The following RARRES2 variants were observed in gnomAD, a reference collection of about 807,000 sequenced individuals.
RARRES2 encodes retinoic acid receptor responder protein 2.
RARRES2 carries 12 observed loss-of-function variants against 17.9 expected under a neutral mutation model. That is an observed-to-expected ratio of 0.67 (90% CI 0.43 to 1.08). The LOEUF (loss-of-function observed/expected upper bound fraction) is 1.08. Among genes scored for constraint, RARRES2 ranks in the 50% least tolerant of loss-of-function variants. RARRES2 has a pLI of 0.00. For missense variants in RARRES2, 220 were observed against 210.1 expected (o/e 1.05, Z -0.29); for synonymous variants, 82 against 86.8 (o/e 0.94, Z 0.31).
chr7:150,340,651 C>T, intron 1 of RARRES2, 22 bp from the exon 2 acceptor site: 1 of 1,455,680 alleles, frequency 6.9e-7, no homozygotes, highest in South Asian at 1.4e-5. Context: ...GTGTGCGCCC[C>T]TCAGCTCTCC....
chr7:150,340,565 C>A lies in RARRES2; in HGVS notation c.45G>T (p.Val15=). ...LIPLALWLGA[V]GVGVAELTEA... ...CCGTGAGCTCGGCGACGCCCACGCC[C>A]ACCGCACCCAGCCACAGGGCCAGAG... Residue 15 remains valine, a synonymous_variant, in exon 2 of 6, where the codon GTG becomes GTT. Transcript: ENST00000223271. 1 of 1,567,128 alleles carries A rather than the reference C, an allele frequency of 6.4e-7. No individual in the cohort carries two copies.
Position 150,338,724 on chromosome 7 carries a change from C to A in RARRES2, c.393G>T (p.Gln131His). ...TQVLREAEEH[Q>H]ETQCLRVQRA... Reference sequence around the variant, plus strand: ...GCTGCACCCTGAGGCACTGGGTCTCCTGGTGCTCCTCAGCCTCCTGCCAGT... The same window carrying A: ...GCTGCACCCTGAGGCACTGGGTCTCATGGTGCTCCTCAGCCTCCTGCCAGT... The change falls in exon 5 of 6, where the codon CAG becomes CAT. Residue 131 changes from glutamine (Q) to histidine (H), a missense_variant. Gln to His is a conservative substitution (Grantham distance 24). Transcript: ENST00000223271. The A allele has an allele frequency of 6.4e-7, 1 of 1,556,070 alleles. No homozygotes were observed. The highest frequency in any genetic ancestry group is 8.7e-7 in the Non-Finnish European group (1 of 1,149,322).
intron 3 of RARRES2, among the ~76,000 whole-genome samples, chr7:150,339,346 A>G (rs1464443881): frequency 6.6e-6 from 1 of 152,158 alleles, no homozygotes; most frequent in African/African-American, 2.4e-5. Context: ...TGTGTGGCAC[A>G]TGCATAAACA....
intron 3 of RARRES2, among the ~76,000 whole-genome samples, chr7:150,339,397 GTGTGTGATGTATGCATGGA>G (rs1224174772): frequency 6.6e-6 from 1 of 152,328 alleles, no homozygotes; most frequent in South Asian, 2.1e-4. Context: ...GGGTGGATGG[GTGTGTGATGTATGCATGGA>G]TGTGTCTGCT....
chr7:150,339,877 T>A (rs1308388322), intron 3 of RARRES2, among the ~76,000 whole-genome samples: 2 of 152,144 alleles, frequency 1.3e-5, no homozygotes, highest in Non-Finnish European at 2.9e-5. Context: ...TCTTCCTGTC[T>A]GCCAGGCCCC....
At position 150,339,082 on chromosome 7, in the gene RARRES2, C is replaced by T. The variant is rs1798412157; in HGVS notation, c.280-1G>A. 1.2e-6 allele frequency: 2 copies of T among 1,602,642 alleles called. No individual in the cohort carries two copies. The highest frequency in any genetic ancestry group is 1.7e-6 in the Non-Finnish European group (2 of 1,169,670). On this transcript the variant is annotated splice_acceptor_variant, in intron 3 of 5. Transcript: ENST00000223271. LOFTEE classifies it high-confidence loss of function. ...TGCAGGCCAGGCATTTCCGTTTCCT[C>T]TGTGGGGGAGCGGGGAGCATGGGGT... is the stretch of plus-strand genomic sequence containing the variant.
intron 1 of RARRES2, 27 bp from the exon 2 acceptor site, chr7:150,340,656 C>A: frequency 6.9e-7 from 1 of 1,445,298 alleles, no homozygotes; most frequent in Non-Finnish European, 9.1e-7. Context: ...CGCCCCTCAG[C>A]TCTCCGAGCC....
Position 150,340,719 on chromosome 7 carries a change from G to A in RARRES2, c.-20-90C>T, listed in dbSNP as rs558007809. On this transcript the variant is annotated intron_variant, in intron 1 of 5. Transcript: ENST00000223271. Reference sequence around the variant, plus strand: ...GCTCTGGGGGGAGGGTGGGGAGCGGGGGCGGGGTCCAGGCCTGTAGAACGC... The same window carrying A: ...GCTCTGGGGGGAGGGTGGGGAGCGGAGGCGGGGTCCAGGCCTGTAGAACGC... The A allele has an allele frequency of 4.2e-4, 488 of 1,170,196 alleles. 8 individuals carry two copies. The East Asian group carries it at 0.011, about 25-fold the overall frequency. 72.5% of individuals were successfully genotyped at this position (1,170,196 alleles called of 1,614,324 possible). A position where few individuals can be genotyped will look rare whatever the true frequency, so the allele number is the denominator to read the frequency against.
At position 150,340,441 on chromosome 7, in the gene RARRES2, C is replaced by G. The variant is rs770858662; in HGVS notation, c.169G>C (p.Asp57His). 1 of 1,600,634 alleles carries G rather than the reference C, an allele frequency of 6.2e-7. No individual in the cohort carries two copies. The highest frequency in any genetic ancestry group is 8.5e-7 in the Non-Finnish European group (1 of 1,171,786). Reference sequence around the variant, plus strand: ...GCCCGGGCCATGCTACTCACCGTGTCCACGGCGCTCTCCACACTGGTCTCC... The same window carrying G: ...GCCCGGGCCATGCTACTCACCGTGTGCACGGCGCTCTCCACACTGGTCTCC... ...FQETSVESAV[D>H]TPFPAGIFVR... Residue 57 changes from aspartate (D) to histidine (H), a missense_variant, in exon 2 of 6, where the codon GAC (aspartate) becomes CAC (histidine). Coordinates refer to ENST00000223271, the MANE Select transcript of RARRES2 (RefSeq NM_002889.4).
At chr7:150,339,509 CTATT>C (rs773901244) in intron 3 of RARRES2, among the ~76,000 whole-genome samples, 2 of 142,376 alleles carry the variant, frequency 1.4e-5, no homozygotes, top group Non-Finnish European at 3.0e-5. Context: ...GTCACCTATT[CTATT>C]TATTTTCTTG....
intron 2 of RARRES2, 113 bp from the exon 3 acceptor site, chr7:150,340,317 T>C: frequency 6.5e-7 from 1 of 1,537,814 alleles, no homozygotes; most frequent in Non-Finnish European, 8.9e-7. Flanking sequence ...GGCTGGACAG[T>C]GGCCTTTTCT....
At chr7:150,340,073 C>T (rs1563232198) in intron 3 of RARRES2, 27 bp downstream of exon 3, 1 of 1,591,308 alleles carries the variant, frequency 6.3e-7, no homozygotes, top group Non-Finnish European at 8.6e-7. Context: ...CAGCATGCGC[C>T]CATTGCTCTC....
intron 1 of RARRES2, 32 bp from the exon 2 acceptor site, chr7:150,340,661 C>T (rs903353183): frequency 7.0e-7 from 1 of 1,432,106 alleles, no homozygotes; most frequent in Non-Finnish European, 9.1e-7. Flanking sequence ...CTCAGCTCTC[C>T]GAGCCAGCCC....
At chr7:150,340,692 C>G in intron 1 of RARRES2, 63 bp from the exon 2 acceptor site, 6 of 1,380,448 alleles carry the variant, frequency 4.3e-6, no homozygotes, top group African/African-American at 1.5e-5. Context: ...CTCCCGCGCC[C>G]TGCTCTGGGG....
chr7:150,340,954 G>C (rs1489074187), intron 1 of RARRES2: 3 of 202,428 alleles, frequency 1.5e-5, no homozygotes, highest in Non-Finnish European at 2.0e-5. Context: ...CTGGGTCTCC[G>C]GCACGACCCA....
At position 150,340,585 on chromosome 7, in the gene RARRES2, C is replaced by G. The variant is rs1165805866; in HGVS notation, c.25G>C (p.Ala9Pro). 3.2e-6 allele frequency: 5 copies of G among 1,546,938 alleles called. No homozygotes were observed. Among genetic ancestry groups the G allele is most frequent in the Non-Finnish European group, 4.4e-6 (5 of 1,144,696 alleles). ...ACGCCCACCGCACCCAGCCACAGGG[C>G]CAGAGGGATCAGCAGCCGTCGCATG... MRRLLIPL[A>P]LWLGAVGVGV... Residue 9 changes from alanine to proline, a missense_variant, in exon 2 of 6, where the codon GCC (alanine) becomes CCC (proline). By Grantham distance (27) the Ala-to-Pro change is conservative. Coordinates refer to ENST00000223271, the MANE Select transcript of RARRES2 (RefSeq NM_002889.4).
rs753432902 is a variant in RARRES2, at chr7:150,340,215, A to ACAGG, written c.175-15_175-12dup. On this transcript the variant is annotated splice_polypyrimidine_tract_variant and intron_variant, in intron 2 of 5. Transcript: ENST00000223271. The stretch of plus-strand genomic sequence containing the variant: ...TCCAGCTGGGAAGGGCTGCGGACAG[A>ACAGG]CAGGCAGGCAGAGGATGGCCGGTAG... 12 of 1,613,636 alleles carry ACAGG rather than the reference A, an allele frequency of 7.4e-6. No individual in the cohort carries two copies. The highest frequency in any genetic ancestry group is 6.7e-5 in the Admixed American group (4 of 60,020).
At chr7:150,340,292 A>G in intron 2 of RARRES2, 88 bp from the exon 3 acceptor site, 1 of 1,553,950 alleles carries the variant, frequency 6.4e-7, no homozygotes, top group African/African-American at 1.4e-5. Context: ...TCCCTCACGC[A>G]GTCACATTCC....
chr7:150,338,893 G>A (rs745434333), intron 4 of RARRES2, 93 bp downstream of exon 4: 15 of 1,541,596 alleles, frequency 9.7e-6, no homozygotes, highest in Non-Finnish European at 1.3e-5. Context: ...CCTCCTGCTT[G>A]GCCAAGCTTT....
Sources: allele counts gnomAD v4.1 joint callset (sites outside exome capture counted in the v4.1 genomes callset), GRCh38; gene constraint gnomAD v4.1.1; transcripts MANE v1.5; gene names NCBI Gene and HGNC (gene_info 2026-07-23, HGNC 2026-07-21).